Variants in ZFP90 observed in about 807,000 individuals in gnomAD.
ZFP90 encodes the protein zinc finger protein 90 homolog.
ZFP90 carries 38 observed loss-of-function variants against 60.8 expected under a neutral mutation model. The ratio of observed to expected loss-of-function variants is 0.62; its 90% CI spans 0.48 to 0.82. ZFP90 has a LOEUF of 0.82. Ranked by LOEUF, ZFP90 falls within the 40% of genes least tolerant of loss-of-function variation. The probability of loss-of-function intolerance (pLI) is 0.00; values close to 1 mark genes in which losing one functional copy is unlikely to be tolerated. For missense variants in ZFP90, 711 were observed against 759.1 expected (o/e 0.94, Z 0.74); for synonymous variants, 287 against 264.8 (o/e 1.08, Z -0.82).
At chr16:68,553,311 C>T (rs1432737968) in intron 2 of ZFP90, among the ~76,000 whole-genome samples, 1 of 152,094 alleles carries the variant, frequency 6.6e-6, no homozygotes, top group Non-Finnish European at 1.5e-5. Flanking sequence ...GAACAAAGAG[C>T]TGAAGCCAGT....
At chr16:68,539,715 C>G (rs1387871972) in intron 1 of ZFP90, 43 bp from the exon 2 acceptor site, 1 of 1,429,722 alleles carries the variant, frequency 7.0e-7, no homozygotes, top group Non-Finnish European at 9.4e-7. Flanking sequence ...GGGGTGGGGT[C>G]GGTGTTGCAG....
At chr16:68,558,149 T>C (rs762181208) in intron 3 of ZFP90, 25 bp downstream of exon 3, 62 of 1,610,326 alleles carry the variant, frequency 3.9e-5, no homozygotes, top group Non-Finnish European at 5.2e-5. Flanking sequence ...TCTGAGTGTC[T>C]TTCCTGCTGA....
intron 2 of ZFP90, among the ~76,000 whole-genome samples, chr16:68,556,881 T>G (rs554065042): frequency 3.9e-5 from 6 of 152,308 alleles, no homozygotes; most frequent in Admixed American, 3.3e-4. Context: ...GTCAACCATG[T>G]GGACATGCAG....
downstream of ZFP90, among the ~76,000 whole-genome samples, chr16:68,568,185 T>C (rs2091548640): frequency 1.3e-5 from 2 of 152,226 alleles, no homozygotes; most frequent in Admixed American, 1.3e-4. Flanking sequence ...CATGTCTGTT[T>C]TGATAGCTCT....
Position 68,564,434 on chromosome 16 carries a change from A to C in ZFP90, c.1647A>C (p.Gly549=). 1 of 1,614,062 alleles carries C rather than the reference A, an allele frequency of 6.2e-7. No homozygotes were observed. Among genetic ancestry groups the C allele is most frequent in the Non-Finnish European group, 8.5e-7 (1 of 1,179,956 alleles). ...SLTQHERTHT[G]EKPYECIDCG... is the part of the protein sequence containing the mutation. ...CTCAACATGAGAGAACCCACACTGG[A>C]GAGAAACCCTATGAATGTATTGACT... The change falls in exon 5 of 5, where the codon GGA becomes GGC. Residue 549 remains glycine (G), a synonymous_variant. Coordinates refer to ENST00000563169, the MANE Select transcript of ZFP90 (RefSeq NM_001305203.2).
At chr16:68,533,622 G>A (rs1485056277) in intron 1 of ZFP90, 2 of 152,058 alleles carry the variant, frequency 1.3e-5, no homozygotes, top group Non-Finnish European at 2.9e-5. Flanking sequence ...AATCCTCATT[G>A]ATGAAGATAT....
At chr16:68,535,073 T>G (rs2090950781), upstream of ZFP90, among the ~76,000 whole-genome samples, 1 of 152,200 alleles carries the variant, frequency 6.6e-6, no homozygotes, top group Admixed American at 6.5e-5. Flanking sequence ...GATTCATGGC[T>G]GTGAGCTCAT....
At chr16:68,544,972 C>T (rs1299537396) in intron 2 of ZFP90, among the ~76,000 whole-genome samples, 26 of 144,544 alleles carry the variant, frequency 1.8e-4, no homozygotes, top group African/African-American at 5.7e-4. Context: ...CTCCGCCTCC[C>T]GGGTTCAAGC....
In ZFP90 at chr16:68,564,360, T is replaced by C; in HGVS notation, c.1573T>C (p.Tyr525His). The change falls in exon 5 of 5, where the codon TAT (tyrosine) becomes CAT (histidine). Residue 525 changes from tyrosine (Y) to histidine (H), a missense_variant. Coordinates refer to ENST00000563169, the MANE Select transcript of ZFP90 (RefSeq NM_001305203.2). The stretch of plus-strand genomic sequence containing the variant: ...CAGAATTCATACTGGAGAGAAACCC[T>C]ATGAATGTAATGAGTGTGGAGAAGC... Reference protein sequence around the residue: ...HHRIHTGEKPYECNECGEAFS... With the variant: ...HHRIHTGEKPHECNECGEAFS... The C allele has an allele frequency of 6.2e-7, 1 of 1,614,112 alleles. No individual in the cohort carries two copies. Among genetic ancestry groups the C allele is most frequent in the Non-Finnish European group, 8.5e-7 (1 of 1,180,008 alleles).
At chr16:68,544,949 G>A (rs566072041) in intron 2 of ZFP90, among the ~76,000 whole-genome samples, 143 of 127,284 alleles carry the variant, frequency 1.1e-3, no homozygotes, top group Admixed American at 4.5e-3. Flanking sequence ...GCGTGATTTC[G>A]GCTCACTACA....
chr16:68,563,837 C>G lies in ZFP90; in HGVS notation c.1050C>G (p.Gly350=). 5.0e-6 allele frequency: 8 copies of G among 1,613,982 alleles called. No individual in the cohort carries two copies. The highest frequency in any genetic ancestry group is 6.8e-6 in the Non-Finnish European group (8 of 1,180,002). Residue 350 remains glycine (G), a synonymous_variant, in exon 5 of 5, where the codon GGC becomes GGG. Coordinates refer to ENST00000563169, the MANE Select transcript of ZFP90 (RefSeq NM_001305203.2). ...CNLCGRSFRH[G]TSLTQHEVTH... ...TATGTGGGAGGTCCTTTAGGCATGG[C>G]ACATCCCTCACTCAACACGAGGTCA...
intron 2 of ZFP90, among the ~76,000 whole-genome samples, chr16:68,548,420 T>A (rs1756626531): frequency 6.6e-6 from 1 of 151,404 alleles, no homozygotes; most frequent in African/African-American, 2.4e-5. Context: ...TTGTTAAGAT[T>A]TTTTGCATTT....
chr16:68,570,030 A>G (rs926570795), downstream of ZFP90, among the ~76,000 whole-genome samples: 4 of 130,670 alleles, frequency 3.1e-5, no homozygotes, highest in East Asian at 9.1e-4. Context: ...TCTCATCTCA[A>G]ATTATATGTG....
chr16:68,566,351 CCAGCCCTAAATATGAAT>C lies in ZFP90; in HGVS notation c.*1656_*1672del. ...GCCTCCCAAAGATAGATAAATTTTCCCAGCCCTAAATATGAATCATGGGGCAAGATATTGGTCGTATT... is the reference window on the plus strand; with the variant it reads ...GCCTCCCAAAGATAGATAAATTTTCCCATGGGGCAAGATATTGGTCGTATT... On this transcript the variant is annotated 3_prime_UTR_variant, in exon 5 of 5. Transcript: ENST00000563169. The C allele has an allele frequency of 1.0e-6, 1 of 985,506 alleles. No homozygotes were observed. Among genetic ancestry groups the C allele is most frequent in the Non-Finnish European group, 1.2e-6 (1 of 829,918 alleles). 61.0% of individuals were successfully genotyped at this position (985,506 alleles called of 1,614,324 possible).
In ZFP90 at chr16:68,564,565, A is replaced by G; in HGVS notation, c.1778A>G (p.Lys593Arg). ...CNECGRAFRK[K>R]TNLHDHQRIH... ...GAATGTGGGAGAGCCTTCCGAAAAA[A>G]AACCAACCTGCATGATCATCAGAGA... Residue 593 changes from lysine (K) to arginine (R), a missense_variant, in exon 5 of 5, where the codon AAA becomes AGA. By Grantham distance (26) the Lys-to-Arg change is conservative. This residue lies in a region of ZFP90 where 295 missense variants were observed against 274.0 expected (regional missense o/e 1.08). Transcript: ENST00000563169. 6.2e-7 allele frequency: 1 copy of G among 1,614,064 alleles called. No homozygotes were observed. The highest frequency in any genetic ancestry group is 8.5e-7 in the Non-Finnish European group (1 of 1,179,966).
intron 2 of ZFP90, among the ~76,000 whole-genome samples, chr16:68,548,444 T>G (rs1191539057): frequency 2.1e-5 from 1 of 47,276 alleles, no homozygotes; most frequent in Non-Finnish European, 3.9e-5. Flanking sequence ...AACACACTAG[T>G]GTGTATATTT....
intron 2 of ZFP90, among the ~76,000 whole-genome samples, chr16:68,540,576 C>G (rs1444853494): frequency 6.6e-6 from 1 of 152,052 alleles, no homozygotes; most frequent in East Asian, 1.9e-4. Context: ...CATCAAGATC[C>G]AGATGGTATC....
At chr16:68,575,693 A>G (rs978255343) in intron 2 of ZFP90, 6 of 396,852 alleles carry the variant, frequency 1.5e-5, no homozygotes, top group South Asian at 1.3e-4. Flanking sequence ...CAGGTTCTCA[A>G]TCCGGTCTGT....
chr16:68,564,539 T>C lies in ZFP90; in HGVS notation c.1752T>C (p.Asn584=), dbSNP rs762615717. The change falls in exon 5 of 5, where the codon AAT becomes AAC. Residue 584 remains asparagine (N), a synonymous_variant. Coordinates refer to ENST00000563169, the MANE Select transcript of ZFP90 (RefSeq NM_001305203.2). The part of the protein sequence containing the change: ...THTGEKPYEC[N]ECGRAFRKKT... ...CTGGAGAGAAGCCCTATGAATGTAA[T>C]GAATGTGGGAGAGCCTTCCGAAAAA... 1 of 1,614,008 alleles carries C rather than the reference T, an allele frequency of 6.2e-7. No individual in the cohort carries two copies. Among genetic ancestry groups the C allele is most frequent in the Non-Finnish European group, 8.5e-7 (1 of 1,179,948 alleles).
Sources: gnomAD v4.1 joint callset for allele counts (sites outside exome capture counted in the v4.1 genomes callset) on GRCh38, gnomAD v4.1.1 for gene constraint, gnomAD v4.1.1 regional missense constraint, MANE v1.5 for transcripts, NCBI Gene and HGNC (gene_info 2026-07-23, HGNC 2026-07-21) for gene names.